SPTSSB: variants seen among roughly 807,000 people sequenced by gnomAD.
SPTSSB encodes serine palmitoyltransferase small subunit B.
Under a neutral mutation model 7.7 loss-of-function variants are expected in SPTSSB, and 6 were observed. That is an observed-to-expected ratio of 0.78 (90% confidence interval 0.43 to 1.54). The LOEUF (loss-of-function observed/expected upper bound fraction) is 1.54, where lower values mean the gene tolerates loss of function less well. Ranked by LOEUF, SPTSSB falls within the 40% of genes most tolerant of loss-of-function variation. SPTSSB has a pLI of 0.01. For missense variants in SPTSSB, 91 were observed against 93.0 expected (o/e 0.98, Z 0.09); for synonymous variants, 28 against 29.7 (o/e 0.94, Z 0.19).
chr3:161,359,824 C>T lies in SPTSSB; in HGVS notation c.-55G>A. The T allele has an allele frequency of 2.0e-6, 2 of 984,912 alleles. No homozygotes were observed. The highest frequency in any genetic ancestry group is 2.4e-6 in the Non-Finnish European group (2 of 829,466). 61.0% of individuals were successfully genotyped at this position (984,912 alleles called of 1,614,324 possible). On this transcript the variant is annotated 5_prime_UTR_variant, in exon 2 of 3. Coordinates refer to ENST00000620149, the MANE Select transcript of SPTSSB (RefSeq NM_001040100.2). ...TGCCTAAGAAAGTCCAGGTCTGGTT[C>T]TTCAGCCTTGCTCCTTCACGAAATG... is the stretch of plus-strand genomic sequence containing the variant.
chr3:161,367,539 T>C (rs1268905991), intron 1 of SPTSSB, among the ~76,000 whole-genome samples: 3 of 152,242 alleles, frequency 2.0e-5, no homozygotes, highest in African/African-American at 7.2e-5. Flanking sequence ...GGACGAAGCA[T>C]TATCATTTGA....
At chr3:161,350,372 CTGGGGAAAAAAAAGACTTAGTACATTT>C (rs1275372410) in intron 2 of SPTSSB, among the ~76,000 whole-genome samples, 1 of 151,968 alleles carries the variant, frequency 6.6e-6, no homozygotes, top group African/African-American at 2.4e-5. Flanking sequence ...AGCTATTCTC[CTGGGGAAAAAAAAGACTTAGTACATTT>C]TGGTTTAAAT....
chr3:161,370,877 TGAA>T (rs1715478932), intron 1 of SPTSSB, among the ~76,000 whole-genome samples: 1 of 152,254 alleles, frequency 6.6e-6, no homozygotes, highest in Non-Finnish European at 1.5e-5. Context: ...TGTCTTTTGG[TGAA>T]GAAGTTTGGT....
At chr3:161,369,445 G>A (rs1478643543) in intron 1 of SPTSSB, among the ~76,000 whole-genome samples, 3 of 101,122 alleles carry the variant, frequency 3.0e-5, no homozygotes, top group Non-Finnish European at 5.6e-5. Flanking sequence ...AAGTGGGATT[G>A]TACTGTGGTT....
intron 2 of SPTSSB, among the ~76,000 whole-genome samples, chr3:161,353,311 C>T (rs1714627329): frequency 6.6e-6 from 1 of 152,140 alleles, no homozygotes; most frequent in African/African-American, 2.4e-5. Context: ...AAATTATAGA[C>T]TCAAAGAGTC....
intron 1 of SPTSSB, among the ~76,000 whole-genome samples, chr3:161,370,612 T>A (rs1387460339): frequency 6.6e-6 from 1 of 152,232 alleles, no homozygotes; most frequent in Admixed American, 6.5e-5. Flanking sequence ...CACCACAAAA[T>A]CTTTTTGAAA....
At chr3:161,360,500 G>C (rs913890164) in intron 1 of SPTSSB, among the ~76,000 whole-genome samples, 6 of 152,068 alleles carry the variant, frequency 3.9e-5, no homozygotes, top group African/African-American at 1.4e-4. Context: ...ATTGTCTTAT[G>C]CATATATTAG....
intron 1 of SPTSSB, among the ~76,000 whole-genome samples, chr3:161,369,314 C>CTCTTTCTTTCTTTCTTTCTTTCTTTCTT: frequency 3.0e-5 from 2 of 65,726 alleles, no homozygotes; most frequent in African/African-American, 1.5e-4. Flanking sequence ...TTCTTTCTTT[C>CTCTTTCTTTCTTTCTTTCTTTCTTTCTT]TCTTTCTTTC....
chr3:161,362,230 A>G (rs1255949788), intron 1 of SPTSSB, among the ~76,000 whole-genome samples: 1 of 152,116 alleles, frequency 6.6e-6, no homozygotes, highest in Admixed American at 6.6e-5. Context: ...TTGCTCTTCA[A>G]TGGGTGAATT....
At chr3:161,348,481 A>G (rs1020440638) in intron 2 of SPTSSB, among the ~76,000 whole-genome samples, 1 of 152,228 alleles carries the variant, frequency 6.6e-6, no homozygotes, top group Non-Finnish European at 1.5e-5. Context: ...AAACTTCAAG[A>G]TAATTAATGT....
rs534543440 is a variant in SPTSSB, at chr3:161,359,626, T to G, written c.-33+176A>C. 27 of 632,232 alleles carry G rather than the reference T, an allele frequency of 4.3e-5. No homozygotes were observed. In the South Asian group the frequency reaches 1.7e-3, roughly 39 times the overall value. 39.2% of individuals were successfully genotyped at this position (632,232 alleles called of 1,614,324 possible). A position where few individuals can be genotyped will look rare whatever the true frequency, so the allele number is the denominator to read the frequency against. On this transcript the variant is annotated intron_variant, in intron 2 of 2. Transcript: ENST00000620149. ...GTTGAGACCTCCAAATTACTAGAGC[T>G]AATTGCCCCATTTTATTCCTTTGTA...
rs951806155 is a variant in SPTSSB, at chr3:161,346,004, T to G, written c.*89A>C. On this transcript the variant is annotated 3_prime_UTR_variant, in exon 3 of 3. Coordinates refer to ENST00000620149, the MANE Select transcript of SPTSSB (RefSeq NM_001040100.2). ...AGAAGAGAGTGCTTTTCAGGTCAGATAGTGAAGGAAGACACAATAGTTACC... is the reference window on the plus strand; with the variant it reads ...AGAAGAGAGTGCTTTTCAGGTCAGAGAGTGAAGGAAGACACAATAGTTACC... 3 of 702,872 alleles carry G rather than the reference T, an allele frequency of 4.3e-6. No individual in the cohort carries two copies. In the African/African-American group the frequency reaches 5.3e-5, roughly 12 times the overall value. The allele number at this position is 702,872 out of a possible 1,614,324, so 43.5% of individuals were successfully genotyped here.
At chr3:161,350,241 G>T (rs1714463428) in intron 2 of SPTSSB, among the ~76,000 whole-genome samples, 1 of 152,074 alleles carries the variant, frequency 6.6e-6, no homozygotes, top group Non-Finnish European at 1.5e-5. Flanking sequence ...AGGTGATTTG[G>T]TACAGTGGTA....
intron 2 of SPTSSB, chr3:161,359,196 G>A (rs942312857): frequency 2.6e-5 from 4 of 151,950 alleles, no homozygotes; most frequent in Admixed American, 6.6e-5. Flanking sequence ...TAAACATTAG[G>A]CATCTTCATT....
intron 1 of SPTSSB, among the ~76,000 whole-genome samples, chr3:161,364,780 G>A (rs148420131): frequency 9.2e-4 from 140 of 152,056 alleles, no homozygotes; most frequent in African/African-American, 3.2e-3. Context: ...GTTCCAGAAC[G>A]TAAACATGAA....
intron 1 of SPTSSB, among the ~76,000 whole-genome samples, chr3:161,360,487 G>A (rs535954278): frequency 1.3e-5 from 2 of 152,208 alleles, no homozygotes; most frequent in East Asian, 1.9e-4. Context: ...ATAGAACAGT[G>A]ATATTGTCTT....
intron 1 of SPTSSB, among the ~76,000 whole-genome samples, chr3:161,368,231 T>G (rs975151099): frequency 4.6e-5 from 7 of 152,190 alleles, no homozygotes; most frequent in Non-Finnish European, 8.8e-5. Context: ...TTTAATACTC[T>G]GGAAAATTTT....
At chr3:161,351,961 A>C (rs1013404097) in intron 2 of SPTSSB, among the ~76,000 whole-genome samples, 1 of 152,226 alleles carries the variant, frequency 6.6e-6, no homozygotes, top group Non-Finnish European at 1.5e-5. Flanking sequence ...AGTGGTTACC[A>C]TACTGGAGAG....
At chr3:161,364,683 T>C (rs1434534342) in intron 1 of SPTSSB, among the ~76,000 whole-genome samples, 1 of 150,948 alleles carries the variant, frequency 6.6e-6, no homozygotes, top group Non-Finnish European at 1.5e-5. Context: ...ATATAATATA[T>C]ATTTATTTAA....
Sources: gnomAD v4.1 joint callset for allele counts (sites outside exome capture counted in the v4.1 genomes callset) on GRCh38, gnomAD v4.1.1 for gene constraint, MANE v1.5 for transcripts, NCBI Gene and HGNC (gene_info 2026-07-23, HGNC 2026-07-21) for gene names.